Variants in SORCS2 observed in about 807,000 individuals in gnomAD.
SORCS2 encodes the protein sortilin related VPS10 domain containing receptor 2.
A neutral mutation model predicts 141.6 loss-of-function variants in SORCS2; 100 were observed. The ratio of observed to expected loss-of-function variants is 0.71; its 90% CI spans 0.60 to 0.83. The LOEUF (loss-of-function observed/expected upper bound fraction) is 0.83, where lower values mean the gene tolerates loss of function less well. Among genes scored for constraint, SORCS2 ranks in the 40% least tolerant of loss-of-function variants. The pLI is 0.00. For missense variants in SORCS2, 1,646 were observed against 1,560.2 expected, an observed-to-expected ratio of 1.05 and a Z score of -0.93; for synonymous variants, 789 against 676.9, an observed-to-expected ratio of 1.17 and a Z score of -2.57.
chr4:7,388,362 G>A (rs1250031442), intron 1 of SORCS2, among the ~76,000 whole-genome samples: 1 of 152,208 alleles, frequency 6.6e-6, no homozygotes, highest in African/African-American at 2.4e-5. Flanking sequence ...GGCCAGATGA[G>A]AAAAGCCACC....
chr4:7,373,480 T>TATATA (rs57386577), intron 1 of SORCS2, among the ~76,000 whole-genome samples: 1 of 12,318 alleles, frequency 8.1e-5, no homozygotes, highest in African/African-American at 2.2e-4. Flanking sequence ...ATATATATAT[T>TATATA]TTTTTTTTTT....
rs1206164795 is a variant in SORCS2, at chr4:7,451,681, AT to A, written c.548+55328del. The stretch of plus-strand genomic sequence containing the variant: ...GAGACCCTCAACTGCCACCATAGGG[AT>A]TCTGGGCTTTGCCACTGGGGTGGTG... On this transcript the variant is annotated intron_variant, in intron 2 of 26. Coordinates refer to ENST00000507866, the MANE Select transcript of SORCS2 (RefSeq NM_020777.3). 3.9e-5 allele frequency among the ~76,000 whole-genome samples: 6 copies of A among 152,170 alleles called. No homozygotes were observed. The East Asian group carries it at 1.2e-3, about 29-fold the overall frequency.
chr4:7,674,446 G>A (rs968575826), intron 8 of SORCS2, among the ~76,000 whole-genome samples: 15 of 149,552 alleles, frequency 1.0e-4, no homozygotes, highest in South Asian at 2.2e-4. Flanking sequence ...AGTGGCAGGC[G>A]CCTGTAATCC....
At chr4:7,197,105 T>C (rs1727217296) in intron 1 of SORCS2, among the ~76,000 whole-genome samples, 1 of 152,194 alleles carries the variant, frequency 6.6e-6, no homozygotes, top group African/African-American at 2.4e-5. Flanking sequence ...GTTGATTCCT[T>C]CTGCGGCCTC....
At chr4:7,709,965 GA>G (rs1725717608) in intron 14 of SORCS2, among the ~76,000 whole-genome samples, 1 of 152,116 alleles carries the variant, frequency 6.6e-6, no homozygotes, top group Non-Finnish European at 1.5e-5. Context: ...GTAATATCTA[GA>G]CCCCTTCGGC....
intron 2 of SORCS2, among the ~76,000 whole-genome samples, chr4:7,470,400 T>G (rs62277631): frequency 0.043 from 6,513 of 152,042 alleles, 148 homozygotes; most frequent in Non-Finnish European, 0.053. Flanking sequence ...CTTCCATCCA[T>G]CCATCCAGCC....
At chr4:7,602,428 T>G (rs1282079858) in intron 3 of SORCS2, among the ~76,000 whole-genome samples, 2 of 143,060 alleles carry the variant, frequency 1.4e-5, no homozygotes, top group African/African-American at 5.3e-5. Context: ...CACTCCTCAG[T>G]TCCCAGACAG....
At chr4:7,427,255 G>T (rs1024822885) in intron 2 of SORCS2, among the ~76,000 whole-genome samples, 1 of 152,200 alleles carries the variant, frequency 6.6e-6, no homozygotes, top group African/African-American at 2.4e-5. Flanking sequence ...CAGGCTCTGG[G>T]GGGGGCTTTG....
chr4:7,350,810 G>T (rs759067848), intron 1 of SORCS2, among the ~76,000 whole-genome samples: 3 of 152,206 alleles, frequency 2.0e-5, no homozygotes, highest in Non-Finnish European at 4.4e-5. Flanking sequence ...GCCAGCTCCA[G>T]CCTCCTTGGA....
At chr4:7,210,443 G>A (rs781202016) in intron 1 of SORCS2, among the ~76,000 whole-genome samples, 1 of 152,224 alleles carries the variant, frequency 6.6e-6, no homozygotes, top group African/African-American at 2.4e-5. Context: ...TACCATGCCT[G>A]GCTAATTTTA....
intron 16 of SORCS2, 31 bp from the exon 17 acceptor site, chr4:7,715,152 G>C (rs549047099): frequency 6.2e-7 from 1 of 1,609,064 alleles, no homozygotes; most frequent in Non-Finnish European, 8.5e-7. Context: ...ACCTGTGCCC[G>C]TCACTTACCA....
At chr4:7,474,804 C>A (rs1730190927) in intron 2 of SORCS2, among the ~76,000 whole-genome samples, 1 of 152,206 alleles carries the variant, frequency 6.6e-6, no homozygotes, top group African/African-American at 2.4e-5. Context: ...CATTTATCCT[C>A]TACAGCTCTG....
At chr4:7,517,959 G>A (rs1273695740) in intron 2 of SORCS2, among the ~76,000 whole-genome samples, 3 of 152,204 alleles carry the variant, frequency 2.0e-5, no homozygotes, top group Non-Finnish European at 2.9e-5. Context: ...CACGCTGGAC[G>A]GAATATTACA....
At chr4:7,414,668 A>G (rs560568450) in intron 2 of SORCS2, among the ~76,000 whole-genome samples, 3 of 152,226 alleles carry the variant, frequency 2.0e-5, no homozygotes, top group Non-Finnish European at 4.4e-5. Flanking sequence ...AAAGAATCAA[A>G]ATGGTTACAG....
At chr4:7,294,007 C>G (rs1716785604) in intron 1 of SORCS2, among the ~76,000 whole-genome samples, 1 of 152,222 alleles carries the variant, frequency 6.6e-6, no homozygotes, top group African/African-American at 2.4e-5. Context: ...TTTATTTTTA[C>G]CCACGCTCCT....
chr4:7,666,389 A>C (rs1722506495), intron 7 of SORCS2, among the ~76,000 whole-genome samples: 1 of 152,184 alleles, frequency 6.6e-6, no homozygotes, highest in Non-Finnish European at 1.5e-5. Flanking sequence ...GGTTTCCGTC[A>C]TTCTCAACAA....
At chr4:7,616,319 C>A (rs1718753122) in intron 3 of SORCS2, among the ~76,000 whole-genome samples, 1 of 152,146 alleles carries the variant, frequency 6.6e-6, no homozygotes, top group Non-Finnish European at 1.5e-5. Flanking sequence ...ATCCATCCAT[C>A]TGTCATCTGT....
intron 3 of SORCS2, among the ~76,000 whole-genome samples, chr4:7,586,102 T>G (rs1011831554): frequency 6.6e-6 from 1 of 152,234 alleles, no homozygotes; most frequent in African/African-American, 2.4e-5. Flanking sequence ...TGGCAGCCAC[T>G]CTGTTCCAAT....
At chr4:7,438,997 C>A (rs1253453356) in intron 2 of SORCS2, among the ~76,000 whole-genome samples, 1 of 152,144 alleles carries the variant, frequency 6.6e-6, no homozygotes, top group Non-Finnish European at 1.5e-5. Flanking sequence ...CCAGGCTCAT[C>A]TTTTTTATTC....
Sources: allele counts gnomAD v4.1 joint callset (sites outside exome capture counted in the v4.1 genomes callset), GRCh38; gene constraint gnomAD v4.1.1; transcripts MANE v1.5; gene names NCBI Gene and HGNC (gene_info 2026-07-23, HGNC 2026-07-21).